KIAA1217: variants seen among roughly 807,000 people sequenced by gnomAD.
KIAA1217 encodes the protein KIAA1217.
In KIAA1217, 88 loss-of-function variants were observed where a neutral mutation model predicts 163.9. The observed-to-expected ratio is 0.54, with a 90% CI of 0.45 to 0.64. The LOEUF (loss-of-function observed/expected upper bound fraction) is 0.64, where lower values mean the gene tolerates loss of function less well. Ranked by LOEUF, KIAA1217 falls within the 30% of genes least tolerant of loss-of-function variation. The pLI is 0.00. For synonymous variants in KIAA1217, 903 were observed against 923.1 expected (o/e 0.98, Z 0.39); for missense variants, 2,372 against 2,475.0 (o/e 0.96, Z 0.88).
At chr10:24,068,346 T>G (rs919713296) in intron 2 of KIAA1217, among the ~76,000 whole-genome samples, 2 of 152,206 alleles carry the variant, frequency 1.3e-5, no homozygotes, top group Admixed American at 6.5e-5. Context: ...TCCTTAATTT[T>G]TTATATCTTT....
At chr10:24,525,033 G>A (rs1564861595) in intron 13 of KIAA1217, among the ~76,000 whole-genome samples, 1 of 108,636 alleles carries the variant, frequency 9.2e-6, no homozygotes, top group African/African-American at 2.9e-5. Context: ...ACAGCAGTGT[G>A]CTGGTAAATG....
intron 2 of KIAA1217, among the ~76,000 whole-genome samples, chr10:24,223,245 T>C (rs548397796): frequency 6.6e-6 from 1 of 152,298 alleles, no homozygotes; most frequent in Admixed American, 6.5e-5. Context: ...GGAGTTGCTC[T>C]GGTTCAAACG....
At chr10:24,291,188 T>C (rs1272508575) in intron 2 of KIAA1217, among the ~76,000 whole-genome samples, 2 of 152,178 alleles carry the variant, frequency 1.3e-5, no homozygotes, top group East Asian at 1.9e-4. Context: ...TGGGCTATCC[T>C]AGAGCCCAGT....
chr10:24,243,127 T>C (rs2131334753), intron 2 of KIAA1217, among the ~76,000 whole-genome samples: 1 of 152,288 alleles, frequency 6.6e-6, no homozygotes, highest in South Asian at 2.1e-4. Context: ...TGAAAGCAAA[T>C]ATTTATTTCA....
At chr10:24,232,559 G>T (rs1292525063) in intron 2 of KIAA1217, among the ~76,000 whole-genome samples, 3 of 152,152 alleles carry the variant, frequency 2.0e-5, no homozygotes, top group African/African-American at 7.2e-5. Context: ...CACCTGGAAA[G>T]TGGTAGTCAG....
chr10:23,929,545 T>C (rs956903017), intron 1 of KIAA1217, among the ~76,000 whole-genome samples: 61 of 152,262 alleles, frequency 4.0e-4, no homozygotes, highest in African/African-American at 1.4e-3. Flanking sequence ...CTCCCACTTG[T>C]AAGTGAGAAC....
At chr10:24,434,896 GC>G (rs1452993551) in intron 4 of KIAA1217, among the ~76,000 whole-genome samples, 1 of 152,168 alleles carries the variant, frequency 6.6e-6, no homozygotes, top group Non-Finnish European at 1.5e-5. Flanking sequence ...ACCAAGCTCT[GC>G]CCCAAATATG....
intron 2 of KIAA1217, among the ~76,000 whole-genome samples, chr10:24,362,950 G>A (rs2905372): frequency 0.26 from 38,585 of 150,534 alleles, 5,142 homozygotes; most frequent in South Asian, 0.36. Context: ...AAAAAAAGAA[G>A]AAGAAGAAAA....
intron 1 of KIAA1217, among the ~76,000 whole-genome samples, chr10:23,865,940 G>A (rs1840159429): frequency 6.6e-6 from 1 of 152,010 alleles, no homozygotes; most frequent in African/African-American, 2.4e-5. Flanking sequence ...TTGCTCCTGT[G>A]CTGGTCTGAT....
intron 2 of KIAA1217, among the ~76,000 whole-genome samples, chr10:24,164,243 GCCCCAGGA>G (rs2065242965): frequency 6.6e-6 from 1 of 152,168 alleles, no homozygotes; most frequent in African/African-American, 2.4e-5. Context: ...ACAGGCTTCC[GCCCCAGGA>G]CATTTGTACT....
At chr10:24,366,643 G>A (rs532904791) in intron 2 of KIAA1217, among the ~76,000 whole-genome samples, 1 of 152,280 alleles carries the variant, frequency 6.6e-6, no homozygotes, top group East Asian at 1.9e-4. Context: ...CCTCCTGCAT[G>A]GCAAAGCATG....
At chr10:24,002,774 A>AGT (rs1300538507) in intron 1 of KIAA1217, among the ~76,000 whole-genome samples, 1 of 152,122 alleles carries the variant, frequency 6.6e-6, no homozygotes, top group Non-Finnish European at 1.5e-5. Flanking sequence ...CACTGTACCC[A>AGT]GTGTGTAGTC....
chr10:23,778,592 G>T (rs1479140422), intron 1 of KIAA1217, among the ~76,000 whole-genome samples: 1 of 152,118 alleles, frequency 6.6e-6, no homozygotes, highest in Non-Finnish European at 1.5e-5. Context: ...CTTGGTTAGG[G>T]GTACATATTT....
intron 1 of KIAA1217, among the ~76,000 whole-genome samples, chr10:23,965,066 T>G (rs1845001538): frequency 1.3e-5 from 2 of 152,234 alleles, no homozygotes; most frequent in Non-Finnish European, 2.9e-5. Flanking sequence ...AAACTATCAC[T>G]GTGGAGTTGC....
intron 1 of KIAA1217, among the ~76,000 whole-genome samples, chr10:23,709,535 A>AG (rs1408382982): frequency 6.6e-6 from 1 of 151,708 alleles, no homozygotes. Context: ...TCTCCAAAAA[A>AG]GAAAAAAAAA....
At chr10:24,170,457 C>T (rs930332892) in intron 2 of KIAA1217, among the ~76,000 whole-genome samples, 13 of 152,152 alleles carry the variant, frequency 8.5e-5, no homozygotes, top group Admixed American at 2.0e-4. Flanking sequence ...TCATTATTTT[C>T]CTGGCTGTGA....
intron 1 of KIAA1217, among the ~76,000 whole-genome samples, chr10:23,721,131 A>G (rs999162929): frequency 1.3e-5 from 2 of 152,216 alleles, no homozygotes; most frequent in African/African-American, 2.4e-5. Context: ...TTCATAAAAC[A>G]TTTGGGAAAT....
chr10:24,199,576 T>C (rs1463247483), intron 2 of KIAA1217, among the ~76,000 whole-genome samples: 1 of 152,246 alleles, frequency 6.6e-6, no homozygotes, highest in Admixed American at 6.5e-5. Context: ...TTTCCTTTTC[T>C]TCAGGTTTTA....
In KIAA1217 at chr10:24,116,154, CCCCA is replaced by C. The variant is rs1289364029; in HGVS notation, c.-170-103468_-170-103465del. 3.3e-5 allele frequency among the ~76,000 whole-genome samples: 5 copies of C among 152,068 alleles called. No homozygotes were observed. The East Asian group carries it at 9.7e-4, about 30-fold the overall frequency. On this transcript the variant is annotated intron_variant, in intron 2 of 18. Coordinates refer to the KIAA1217 transcript ENST00000376462. The stretch of plus-strand genomic sequence containing the variant: ...CCCCCTGGGATCTTGGGGGTTCTAC[CCCCA>C]CCCCAGGCCTCCAAGAAGCCCCGTT...
Sources: allele counts gnomAD v4.1 joint callset (sites outside exome capture counted in the v4.1 genomes callset), GRCh38; gene constraint gnomAD v4.1.1; transcripts MANE v1.5; gene names NCBI Gene and HGNC (gene_info 2026-07-23, HGNC 2026-07-21).